Variants in ABR observed in about 807,000 individuals in gnomAD.
The protein encoded by ABR is ABR activator of RhoGEF and GTPase, also known as active breakpoint cluster region-related protein.
In ABR, 35 loss-of-function variants were observed where a neutral mutation model predicts 107.2. The observed-to-expected ratio is 0.33, with a 90% confidence interval of 0.25 to 0.43. The LOEUF (loss-of-function observed/expected upper bound fraction) is 0.43, where lower values mean the gene tolerates loss of function less well. ABR is among the 20% of genes least tolerant of loss of function. The pLI is 1.00. For synonymous variants in ABR, 498 were observed against 462.0 expected (o/e 1.08, Z -1.00); for missense variants, 815 against 1,115.2 (o/e 0.73, Z 3.83).
At chr17:1,204,459 C>T (rs547244287) in intron 1 of ABR, among the ~76,000 whole-genome samples, 1 of 151,814 alleles carries the variant, frequency 6.6e-6, no homozygotes, top group Non-Finnish European at 1.5e-5. Flanking sequence ...AACAAACAAA[C>T]AAAAAAAATG....
intron 1 of ABR, among the ~76,000 whole-genome samples, chr17:1,211,908 C>T (rs2042909986): frequency 2.0e-5 from 3 of 149,812 alleles, no homozygotes; most frequent in African/African-American, 2.5e-5. Context: ...TGGTGAAACC[C>T]CGTCTCTACT....
At chr17:1,129,895 T>C (rs2039752459) in intron 1 of ABR, among the ~76,000 whole-genome samples, 1 of 152,102 alleles carries the variant, frequency 6.6e-6, no homozygotes, top group African/African-American at 2.4e-5. Context: ...TGTGATGAGC[T>C]GAGATTGCAC....
intron 16 of ABR, among the ~76,000 whole-genome samples, chr17:1,019,314 G>C (rs777719736): frequency 6.6e-6 from 1 of 152,212 alleles, no homozygotes; most frequent in Non-Finnish European, 1.5e-5. Context: ...GCTCCACTAA[G>C]ATCTACCCTC....
Position 1,222,074 on chromosome 17 carries a change from C to CTTTTTTTTTTTTTTTT in ABR, c.838+6718_838+6719insAAAAAAAAAAAAAAAA, listed in dbSNP as rs1488404002. Among the ~76,000 whole-genome samples, 55 of 144,822 alleles carry CTTTTTTTTTTTTTTTT rather than the reference C, an allele frequency of 3.8e-4. 13 individuals are homozygous for CTTTTTTTTTTTTTTTT. Among genetic ancestry groups the CTTTTTTTTTTTTTTTT allele is most frequent in the Non-Finnish European group, 3.6e-4 (24 of 66,390 alleles). On this transcript the variant is annotated intron_variant, in intron 1 of 22. Coordinates refer to the ABR transcript ENST00000574139. ...ATAACAGCACCATGGAGGATCCCAT[C>CTTTTTTTTTTTTTTTT]TTTTTTTCTGAGACGGAGTTTCACC... is the stretch of plus-strand genomic sequence containing the variant.
chr17:1,073,785 C>T, intron 6 of ABR, 108 bp from the exon 7 acceptor site: 1 of 979,886 alleles, frequency 1.0e-6, no homozygotes, highest in Non-Finnish European at 1.5e-6. Flanking sequence ...ACGTGAACAC[C>T]CCTCGAGGGA....
chr17:1,028,171 A>C (rs1264870307), intron 16 of ABR, among the ~76,000 whole-genome samples: 4 of 151,030 alleles, frequency 2.6e-5, no homozygotes, highest in South Asian at 2.1e-4. Context: ...GCTCACTGCA[A>C]CCTCCACCTC....
rs561018730 is a variant in ABR at position 1,149,809 on chromosome 17, A to G, written c.62-24442T>C. 2.0e-5 allele frequency among the ~76,000 whole-genome samples: 3 copies of G among 152,290 alleles called. No homozygotes were observed. The South Asian group carries it at 6.2e-4, about 32-fold the overall frequency. ...GGTTGCCGGGCACCTGTCAGCTCCA[A>G]ATGCCAGGAGCCAGGCTCTCCGAAT... On this transcript the variant is annotated intron_variant, in intron 1 of 22. Transcript: ENST00000302538.
At chr17:1,043,529 T>C (rs938350999) in intron 16 of ABR, among the ~76,000 whole-genome samples, 3 of 152,116 alleles carry the variant, frequency 2.0e-5, no homozygotes, top group Non-Finnish European at 4.4e-5. Flanking sequence ...TCTTTTATTT[T>C]TTATTTTTTT....
In ABR at chr17:1,157,306, A is replaced by G. The variant is rs2041082987; in HGVS notation, c.61+22361T>C. ...CACTCTGTCGCCCAGGCTGGAGTGC[A>G]AAGGTGCAACCTTAGCTCACTGCAA... On this transcript the variant is annotated intron_variant, in intron 1 of 22. Coordinates refer to ENST00000302538, the MANE Select transcript of ABR (RefSeq NM_021962.5). The surrounding 1 kb of genome is among the most constrained non-coding windows in gnomAD (Gnocchi z 4.7). Among the ~76,000 whole-genome samples, 1 of 149,972 alleles carries G rather than the reference A, an allele frequency of 6.7e-6. No individual in the cohort carries two copies. Among genetic ancestry groups the G allele is most frequent in the Admixed American group, 6.7e-5 (1 of 14,968 alleles).
At chr17:1,129,208 A>G (rs1222350719) in intron 1 of ABR, among the ~76,000 whole-genome samples, 1 of 152,182 alleles carries the variant, frequency 6.6e-6, no homozygotes, top group East Asian at 1.9e-4. Flanking sequence ...GAGGGAGAGC[A>G]TTAGGACAAA....
chr17:1,193,590 C>T (rs117976487), intron 1 of ABR, among the ~76,000 whole-genome samples: 5,270 of 125,088 alleles, frequency 0.042, 135 homozygotes, highest in Middle Eastern at 0.067. Flanking sequence ...CCAGATGCCG[C>T]CCGACATTCA....
chr17:1,033,009 G>A (rs899325609), intron 16 of ABR, among the ~76,000 whole-genome samples: 3 of 152,212 alleles, frequency 2.0e-5, no homozygotes, highest in African/African-American at 7.2e-5. Context: ...GGGTCAGGAG[G>A]TCCAGTTCTT....
intron 1 of ABR, among the ~76,000 whole-genome samples, chr17:1,162,788 G>C (rs906467290): frequency 3.3e-5 from 5 of 151,962 alleles, no homozygotes; most frequent in African/African-American, 4.8e-5. Flanking sequence ...ACTTTGAAAG[G>C]CTAGGCCAAG....
At position 1,026,546 on chromosome 17, in the gene ABR, C is replaced by A. The variant is rs970054748; in HGVS notation, c.1792-13382G>T. Among the ~76,000 whole-genome samples the A allele has an allele frequency of 3.3e-5, 5 of 152,282 alleles. 1 individual carries two copies. Among genetic ancestry groups the A allele is most frequent in the East Asian group, 3.9e-4 (2 of 5,166 alleles). The stretch of plus-strand genomic sequence containing the variant: ...CTGTGGGGATCCTGGGGCCTCCTGG[C>A]CTCTCTACAGAAGCCCAGGACCAGC... On this transcript the variant is annotated intron_variant, in intron 16 of 22. Transcript: ENST00000302538.
chr17:1,197,704 C>T (rs1169574094), intron 1 of ABR, among the ~76,000 whole-genome samples: 2 of 151,572 alleles, frequency 1.3e-5, no homozygotes, highest in Non-Finnish European at 2.9e-5. Flanking sequence ...TTCCTGGACC[C>T]CAGGCTGGTC....
At position 1,148,800 on chromosome 17, in the gene ABR, G is replaced by A. The variant is rs1215354938; in HGVS notation, c.62-23433C>T. Among the ~76,000 whole-genome samples, 1 of 152,214 alleles carries A rather than the reference G, an allele frequency of 6.6e-6. No individual in the cohort carries two copies. The highest frequency in any genetic ancestry group is 1.5e-5 in the Non-Finnish European group (1 of 68,032). ...GAGTTCCGGAGATGACGGTGCTGAT[G>A]GCCGCACCAGAGTGTGAACGTGCCT... On this transcript the variant is annotated intron_variant, in intron 1 of 22. Coordinates refer to ENST00000302538, the MANE Select transcript of ABR (RefSeq NM_021962.5). The surrounding 1 kb of genome is among the most constrained non-coding windows in gnomAD (Gnocchi z 4.9).
intron 16 of ABR, among the ~76,000 whole-genome samples, chr17:1,018,325 A>G (rs1482272582): frequency 6.6e-6 from 1 of 152,190 alleles, no homozygotes; most frequent in Non-Finnish European, 1.5e-5. Context: ...TACGGGCGTG[A>G]GCCACCACGC....
At chr17:1,217,028 A>G (rs2043022788) in intron 1 of ABR, among the ~76,000 whole-genome samples, 1 of 152,184 alleles carries the variant, frequency 6.6e-6, no homozygotes, top group African/African-American at 2.4e-5. Context: ...AGGTGGGGCC[A>G]CAGAGCATCA....
intron 6 of ABR, chr17:1,079,068 G>C: frequency 7.0e-7 from 1 of 1,432,124 alleles, no homozygotes; most frequent in Non-Finnish European, 9.1e-7. Flanking sequence ...GGAGGGGTAG[G>C]GAGGGAGGGA....
Sources: allele counts gnomAD v4.1 joint callset (sites outside exome capture counted in the v4.1 genomes callset), GRCh38; gene constraint gnomAD v4.1.1; non-coding constraint Gnocchi (gnomAD v3.1); transcripts MANE v1.5; gene names NCBI Gene and HGNC (gene_info 2026-07-23, HGNC 2026-07-21).